The following CEP68 variants were observed in gnomAD, a reference collection of about 807,000 sequenced individuals.
The protein encoded by CEP68 is centrosomal protein of 68 kDa.
A neutral mutation model predicts 55.3 loss-of-function variants in CEP68; 26 were observed. The observed-to-expected ratio is 0.47, with a 90% CI of 0.34 to 0.65. The LOEUF (loss-of-function observed/expected upper bound fraction) is 0.65. Ranked by LOEUF, CEP68 falls within the 30% of genes least tolerant of loss-of-function variation. CEP68 has a pLI of 0.01. For missense variants in CEP68, 957 were observed against 946.7 expected (o/e 1.01, Z -0.14); for synonymous variants, 402 against 383.2 (o/e 1.05, Z -0.57).
At position 65,056,746 on chromosome 2, in the gene CEP68, C is replaced by G. The variant is rs377463287; in HGVS notation, c.-47+218C>G. 5.8e-4 allele frequency among the ~76,000 whole-genome samples: 89 copies of G among 152,188 alleles called. 2 individuals carry two copies. In the East Asian group the frequency reaches 0.016, roughly 28 times the overall value. On this transcript the variant is annotated intron_variant, in intron 1 of 6. Transcript: ENST00000377990. ...GGGCGCCTCGTGCCTTCGCCTCCAT[C>G]TTGCGAGCGGAACGGCGTGTGCTGT...
At chr2:65,076,511 T>C (rs963704913) in intron 4 of CEP68, among the ~76,000 whole-genome samples, 13 of 152,180 alleles carry the variant, frequency 8.5e-5, no homozygotes, top group Admixed American at 7.9e-4. Context: ...CGCACAGAAT[T>C]GTGCATGGCT....
chr2:65,066,745 A>AAAAAATATATAT (rs70943620), intron 1 of CEP68, among the ~76,000 whole-genome samples: 17 of 58,394 alleles, frequency 2.9e-4, no homozygotes, highest in African/African-American at 1.1e-3. Context: ...AAAAAAAAAA[A>AAAAAATATATAT]ATATATATAT....
intron 1 of CEP68, among the ~76,000 whole-genome samples, chr2:65,056,762 C>A (rs1675620239): frequency 6.6e-6 from 1 of 152,080 alleles, no homozygotes; most frequent in South Asian, 2.1e-4. Context: ...AGCGGAACGG[C>A]GTGTGCTGTG....
rs771491454 is a variant in CEP68 at position 65,083,773 on chromosome 2, G to A, written c.*139G>A. 1 of 152,198 alleles carries A rather than the reference G, an allele frequency of 6.6e-6. No homozygotes were observed. The highest frequency in any genetic ancestry group is 1.5e-5 in the Non-Finnish European group (1 of 68,022). 9.4% of individuals were successfully genotyped at this position (152,198 alleles called of 1,614,324 possible). On this transcript the variant is annotated 3_prime_UTR_variant, in exon 7 of 7. Coordinates refer to ENST00000377990, the MANE Select transcript of CEP68 (RefSeq NM_015147.3). Reference sequence around the variant, plus strand: ...ACCTTCAATATACTAGCTTTAAAATGCCTTTCTCCTCCCTGAATGGAGGGC... The same window carrying A: ...ACCTTCAATATACTAGCTTTAAAATACCTTTCTCCTCCCTGAATGGAGGGC...
rs572408003 is a variant in CEP68 at position 65,073,878 on chromosome 2, C to T, written c.1885-404C>T. On this transcript the variant is annotated intron_variant, in intron 3 of 6. Transcript: ENST00000377990. ...GATGCCATGAGGTAAAGTTGTTCTT[C>T]GCTATAGCTTCAGGTTAGTCATGAT... 6 of 184,054 alleles carry T rather than the reference C, an allele frequency of 3.3e-5. No homozygotes were observed. In the South Asian group the frequency reaches 6.9e-4, roughly 21 times the overall value. The allele number at this position is 184,054 out of a possible 1,614,324, so 11.4% of individuals were successfully genotyped here.
At chr2:65,065,517 T>C (rs1676123414) in intron 1 of CEP68, among the ~76,000 whole-genome samples, 3 of 152,200 alleles carry the variant, frequency 2.0e-5, no homozygotes, top group Admixed American at 2.0e-4. Context: ...GAAACCAATT[T>C]TACCATAGTC....
chr2:65,073,332 G>A (rs1676593899), intron 3 of CEP68: 1 of 354,612 alleles, frequency 2.8e-6, no homozygotes, highest in Admixed American at 4.0e-5. Context: ...AAGGTTTTGT[G>A]CACAGATGCC....
intron 1 of CEP68, among the ~76,000 whole-genome samples, chr2:65,066,743 AAAATATAT>A (rs1274574412): frequency 2.2e-3 from 193 of 88,808 alleles, no homozygotes; most frequent in African/African-American, 9.3e-3. Flanking sequence ...AAAAAAAAAA[AAAATATAT>A]ATATATATAT....
At chr2:65,078,838 C>A (rs749958631) in intron 5 of CEP68, among the ~76,000 whole-genome samples, 38 of 152,224 alleles carry the variant, frequency 2.5e-4, no homozygotes, top group Non-Finnish European at 4.9e-4. Flanking sequence ...GCCACTGCAC[C>A]CAGCCACTTG....
chr2:65,086,492 A>C lies in CEP68; in HGVS notation c.*2858A>C, dbSNP rs1454672073. 6.6e-6 allele frequency: 1 copy of C among 152,238 alleles called. No individual in the cohort carries two copies. The highest frequency in any genetic ancestry group is 2.4e-5 in the African/African-American group (1 of 41,468). 9.4% of individuals were successfully genotyped at this position (152,238 alleles called of 1,614,324 possible). ...CATGCTGAAATTTGTTGTAAATCCC[A>C]ATCTTTACTGCCATGGGGAAAAGAA... On this transcript the variant is annotated 3_prime_UTR_variant, in exon 7 of 7. Coordinates refer to ENST00000377990, the MANE Select transcript of CEP68 (RefSeq NM_015147.3).
rs761698255 is a variant in CEP68 at position 65,072,647 on chromosome 2, C to G, written c.1551C>G (p.Ser517Arg). 1 of 1,614,066 alleles carries G rather than the reference C, an allele frequency of 6.2e-7. No homozygotes were observed. The highest frequency in any genetic ancestry group is 8.5e-7 in the Non-Finnish European group (1 of 1,180,036). Reference sequence around the variant, plus strand: ...CCACTGGGGATATCAAAGGGCAGAGCCCCTTGGAAGTGTCAGACAGTGATG... The same window carrying G: ...CCACTGGGGATATCAAAGGGCAGAGGCCCTTGGAAGTGTCAGACAGTGATG... ...TLPTGDIKGQ[S>R]PLEVSDSDGP... The change falls in exon 3 of 7, where the codon AGC becomes AGG. Residue 517 changes from serine to arginine, a missense_variant. By Grantham distance (110) the Ser-to-Arg change is moderately radical (BLOSUM62 -1). Coordinates refer to ENST00000377990, the MANE Select transcript of CEP68 (RefSeq NM_015147.3).
intron 5 of CEP68, 84 bp from the exon 6 acceptor site, chr2:65,082,452 T>C: frequency 1.6e-6 from 2 of 1,274,958 alleles, no homozygotes; most frequent in East Asian, 5.3e-5. Context: ...TACTATACCC[T>C]TGTATGTTCT....
intron 3 of CEP68, 29 bp downstream of exon 3, chr2:65,073,009 G>C: frequency 6.2e-7 from 1 of 1,609,968 alleles, no homozygotes; most frequent in Non-Finnish European, 8.5e-7. Context: ...AGGAAGCTTT[G>C]TGTACAGGTG....
rs1676491538 is a variant in CEP68 at position 65,072,020 on chromosome 2, A to T, written c.924A>T (p.Pro308=). 1.2e-6 allele frequency: 2 copies of T among 1,612,116 alleles called. No individual in the cohort carries two copies. The highest frequency in any genetic ancestry group is 4.5e-5 in the East Asian group (2 of 44,772). ...EYEDLLDYTY[P]LRPGPQLPKH... is the part of the protein sequence containing the mutation. Reference sequence around the variant, plus strand: ...AAGATCTGCTTGACTATACTTACCCACTGAGGCCCGGGCCTCAGCTCCCAA... The same window carrying T: ...AAGATCTGCTTGACTATACTTACCCTCTGAGGCCCGGGCCTCAGCTCCCAA... Residue 308 remains proline (P), a synonymous_variant, in exon 3 of 7, where the codon CCA becomes CCT. Transcript: ENST00000377990.
At chr2:65,066,740 A>AT (rs1676194929) in intron 1 of CEP68, among the ~76,000 whole-genome samples, 13 of 98,156 alleles carry the variant, frequency 1.3e-4, no homozygotes, top group Admixed American at 5.1e-4. Context: ...AAAAAAAAAA[A>AT]AAAAAATATA....
intron 2 of CEP68, among the ~76,000 whole-genome samples, chr2:65,070,518 C>T (rs967491816): frequency 6.6e-6 from 1 of 151,810 alleles, no homozygotes; most frequent in African/African-American, 2.4e-5. Flanking sequence ...TCATTGTAGC[C>T]TTGGCTGCTG....
chr2:65,077,788 A>T, intron 4 of CEP68, 80 bp from the exon 5 acceptor site: 1 of 1,055,800 alleles, frequency 9.5e-7, no homozygotes, highest in Non-Finnish European at 1.4e-6. Context: ...AGGCTTCCCT[A>T]CATGCTGTGC....
chr2:65,074,171 A>G (rs1431875364), intron 3 of CEP68, 111 bp from the exon 4 acceptor site: 1 of 1,320,160 alleles, frequency 7.6e-7, no homozygotes, highest in Non-Finnish European at 1.1e-6. Context: ...GGAGAGAGGA[A>G]ACTGAAGGTG....
chr2:65,068,926 C>T (rs1180889721), intron 1 of CEP68, among the ~76,000 whole-genome samples: 1 of 152,222 alleles, frequency 6.6e-6, no homozygotes, highest in Non-Finnish European at 1.5e-5. Flanking sequence ...CCAGCTGAGG[C>T]CTGGGCATGC....
Sources: gnomAD v4.1 joint callset for allele counts (sites outside exome capture counted in the v4.1 genomes callset) on GRCh38, gnomAD v4.1.1 for gene constraint, MANE v1.5 for transcripts, NCBI Gene and HGNC (gene_info 2026-07-23, HGNC 2026-07-21) for gene names.